ATP2A1: variants seen among roughly 807,000 people sequenced by gnomAD.
The protein encoded by ATP2A1 is ATPase sarcoplasmic/endoplasmic reticulum Ca2+ transporting 1, also known as sarcoplasmic/endoplasmic reticulum calcium ATPase 1.
A neutral mutation model predicts 109.5 loss-of-function variants in ATP2A1; 83 were observed. The observed-to-expected ratio is 0.76, with a 90% CI of 0.63 to 0.91. ATP2A1 has a LOEUF of 0.91. Ranked by LOEUF, ATP2A1 falls within the 40% of genes least tolerant of loss-of-function variation. ATP2A1 has a pLI of 0.00. For synonymous variants in ATP2A1, 505 were observed against 537.6 expected (o/e 0.94, Z 0.84); for missense variants, 1,101 against 1,341.0 (o/e 0.82, Z 2.80).
Position 28,904,356 on chromosome 16 carries a change from T to C in ATP2A1, c.*214T>C. 6.5e-7 allele frequency: 1 copy of C among 1,543,486 alleles called. No homozygotes were observed. The highest frequency in any genetic ancestry group is 8.7e-7 in the Non-Finnish European group (1 of 1,149,770). ...TTTCCTTCCCCCTCGGCCACCCGCC[T>C]CCCTCTCAACCTTGTAAATTCCCCT... On this transcript the variant is annotated 3_prime_UTR_variant, in exon 23 of 23. Transcript: ENST00000395503.
chr16:28,884,456 G>A, intron 5 of ATP2A1, 119 bp from the exon 6 acceptor site: 2 of 961,372 alleles, frequency 2.1e-6, no homozygotes, highest in Admixed American at 1.9e-5. Flanking sequence ...AGCCCTGGGA[G>A]CCTCCCTGAG....
Position 28,887,537 on chromosome 16 carries a change from C to T in ATP2A1, c.743C>T (p.Pro248Leu), listed in dbSNP as rs1238791609. The T allele has an allele frequency of 6.2e-7, 1 of 1,613,930 alleles. No homozygotes were observed. The highest frequency in any genetic ancestry group is 8.5e-7 in the Non-Finnish European group (1 of 1,180,008). ...GCTGCCACAGAACAGGACAAGACCCCCTTGCAGCAGAAGCTGGATGAGTTT... is the reference window on the plus strand; with the variant it reads ...GCTGCCACAGAACAGGACAAGACCCTCTTGCAGCAGAAGCTGGATGAGTTT... ...QMAATEQDKT[P>L]LQQKLDEFGE... The change falls in exon 8 of 23, where the codon CCC (proline) becomes CTC (leucine). Residue 248 changes from proline to leucine, a missense_variant. Pro to Leu is a moderately conservative substitution (Grantham distance 98). Transcript: ENST00000395503.
At chr16:28,896,986 C>T (rs969693744) in intron 12 of ATP2A1, among the ~76,000 whole-genome samples, 1 of 151,974 alleles carries the variant, frequency 6.6e-6, no homozygotes, top group Non-Finnish European at 1.5e-5. Flanking sequence ...GGGGCTGAGG[C>T]AGGAGAATGG....
chr16:28,882,262 TTTTC>T lies in ATP2A1; in HGVS notation c.325-185_325-182del, dbSNP rs1368788212. Among the ~76,000 whole-genome samples, 5 of 151,958 alleles carry T rather than the reference TTTTC, an allele frequency of 3.3e-5. No individual in the cohort carries two copies. The South Asian group carries it at 8.3e-4, about 25-fold the overall frequency. ...GCGTGAGTCACCATGCCCGGCCTGA[TTTTC>T]TTTGATTCTTCTTTGTTCCCTCCCC... On this transcript the variant is annotated intron_variant, in intron 4 of 22. Coordinates refer to ENST00000395503, the MANE Select transcript of ATP2A1 (RefSeq NM_004320.6).
Position 28,878,553 on chromosome 16 carries a change from G to A in ATP2A1, c.-119G>A. 1.1e-6 allele frequency: 1 copy of A among 880,120 alleles called. No individual in the cohort carries two copies. The highest frequency in any genetic ancestry group is 1.4e-5 in the South Asian group (1 of 70,334). The allele number at this position is 880,120 out of a possible 1,614,324, so 54.5% of individuals were successfully genotyped here. A position where few individuals can be genotyped will look rare whatever the true frequency, so the allele number is the denominator to read the frequency against. On this transcript the variant is annotated 5_prime_UTR_variant, in exon 1 of 23. Transcript: ENST00000395503. ...AGGGAAGAAAAACCTGGAGGGGGCA[G>A]GAGAGTAAAAAGAAGAAACCCAGGC...
intron 14 of ATP2A1, among the ~76,000 whole-genome samples, chr16:28,899,508 G>A (rs1424216179): frequency 6.6e-6 from 1 of 151,934 alleles, no homozygotes; most frequent in East Asian, 1.9e-4. Flanking sequence ...GCTTGGTGGT[G>A]GGCACCTGTA....
At position 28,902,888 on chromosome 16, in the gene ATP2A1, C is replaced by CCCTGTCCGTGCTGGT; in HGVS notation, c.2721_2722insCCTGTCCGTGCTGGT (p.Ile907_Glu908insProValArgAlaGly). On this transcript the variant is annotated inframe_insertion, in exon 19 of 23. Transcript: ENST00000395503. This position sits in a 1 kb window ranked among gnomAD's most constrained non-coding sequence, Gnocchi z 4.8. ...TGGCCCTGTCCGTGCTGGTGACCAT[C>CCCTGTCCGTGCTGGT]GAGATGTGCAATGCACTGAACAGGT... The CCCTGTCCGTGCTGGT allele has an allele frequency of 6.2e-7, 1 of 1,614,014 alleles. No individual in the cohort carries two copies. Among genetic ancestry groups the CCCTGTCCGTGCTGGT allele is most frequent in the South Asian group, 1.1e-5 (1 of 91,080 alleles).
At chr16:28,881,308 T>C (rs1203903189) in intron 4 of ATP2A1, among the ~76,000 whole-genome samples, 1 of 152,228 alleles carries the variant, frequency 6.6e-6, no homozygotes, top group African/African-American at 2.4e-5. Context: ...AGATGATGCA[T>C]GTTCCTGGCA....
rs764640218 is a variant in ATP2A1, at chr16:28,880,940, A to T, written c.245A>T (p.Glu82Val). The T allele has an allele frequency of 6.2e-7, 1 of 1,614,186 alleles. No homozygotes were observed. The highest frequency in any genetic ancestry group is 8.5e-7 in the Non-Finnish European group (1 of 1,180,036). ...SFVLAWFEEG[E>V]ETITAFVEPF... ...GTGCTGGCCTGGTTTGAGGAAGGTG[A>T]AGAGACCATCACTGCCTTTGTTGAA... Residue 82 changes from glutamate (E) to valine (V), a missense_variant, in exon 4 of 23, where the codon GAA (glutamate) becomes GTA (valine). Physicochemically the swap from Glu to Val is moderately radical, Grantham distance 121. Coordinates refer to ENST00000395503, the MANE Select transcript of ATP2A1 (RefSeq NM_004320.6). The surrounding 1 kb of genome is among the most constrained non-coding windows in gnomAD (Gnocchi z 4.2).
intron 6 of ATP2A1, among the ~76,000 whole-genome samples, chr16:28,886,686 G>T (rs1271808741): frequency 2.0e-5 from 3 of 151,700 alleles, no homozygotes; most frequent in African/African-American, 7.3e-5. Context: ...TTGGGTCGAG[G>T]TCTTTTTAAG....
chr16:28,900,601 T>A lies in ATP2A1; in HGVS notation c.1785T>A (p.Gly595=). Residue 595 remains glycine (G), a synonymous_variant, in exon 15 of 23, where the codon GGT becomes GGA. Transcript: ENST00000395503. Reference sequence around the variant, plus strand: ...CCCAGACGGACCTGACATTCGTGGGTGTAGTGGGCATGCTGGACCCTCCGC... The same window carrying A: ...CCCAGACGGACCTGACATTCGTGGGAGTAGTGGGCATGCTGGACCCTCCGC... ...LEYETDLTFV[G]VVGMLDPPRK... 1 of 1,573,080 alleles carries A rather than the reference T, an allele frequency of 6.4e-7. No homozygotes were observed. The highest frequency in any genetic ancestry group is 1.7e-5 in the Admixed American group (1 of 58,202).
In ATP2A1 at chr16:28,903,779, C is replaced by T. The variant is rs530980451; in HGVS notation, c.*37+38C>T. 38 of 1,586,784 alleles carry T rather than the reference C, an allele frequency of 2.4e-5. No homozygotes were observed. The East Asian group carries it at 6.3e-4, about 26-fold the overall frequency. On this transcript the variant is annotated intron_variant, in intron 22 of 22. Coordinates refer to ENST00000395503, the MANE Select transcript of ATP2A1 (RefSeq NM_004320.6). This position sits in a 1 kb window ranked among gnomAD's most constrained non-coding sequence, Gnocchi z 5.6. ...TCTTGCCCTCAGCCCAGCTGCTGTG[C>T]CCCTGCCACCCGCGCCCCCTCAGCC...
At chr16:28,882,918 T>C (rs1026927893) in intron 5 of ATP2A1, among the ~76,000 whole-genome samples, 5 of 152,126 alleles carry the variant, frequency 3.3e-5, no homozygotes, top group Admixed American at 6.6e-5. Context: ...GGGCCTGGCT[T>C]CCCCCTCCTT....
At chr16:28,887,329 G>A in intron 7 of ATP2A1, 55 bp downstream of exon 7, 3 of 1,612,656 alleles carry the variant, frequency 1.9e-6, no homozygotes, top group African/African-American at 1.3e-5. Flanking sequence ...TGCCCGGGTT[G>A]GAGAGAAACA....
At chr16:28,894,771 C>T in intron 11 of ATP2A1, 51 bp from the exon 12 acceptor site, 5 of 1,609,144 alleles carry the variant, frequency 3.1e-6, no homozygotes, top group Non-Finnish European at 4.2e-6. Flanking sequence ...GAGGGTATGA[C>T]AGGTAGGAGC....
At position 28,902,165 on chromosome 16, in the gene ATP2A1, G is replaced by T; in HGVS notation, c.2322-19G>T. The T allele has an allele frequency of 6.2e-7, 1 of 1,613,910 alleles. No individual in the cohort carries two copies. The highest frequency in any genetic ancestry group is 1.1e-5 in the South Asian group (1 of 91,064). ...GGTCTGGGAGGCAGGACAGAGGTGT[G>T]ACCACCTCCTTCCCACAGTATCTTC... On this transcript the variant is annotated intron_variant, in intron 16 of 22. Coordinates refer to ENST00000395503, the MANE Select transcript of ATP2A1 (RefSeq NM_004320.6). The surrounding 1 kb of genome is among the most constrained non-coding windows in gnomAD (Gnocchi z 4.8).
chr16:28,904,360 T>G lies in ATP2A1; in HGVS notation c.*218T>G. ...CTTCCCCCTCGGCCACCCGCCTCCC[T>G]CTCAACCTTGTAAATTCCCCTTCCC... On this transcript the variant is annotated 3_prime_UTR_variant, in exon 23 of 23. Coordinates refer to ENST00000395503, the MANE Select transcript of ATP2A1 (RefSeq NM_004320.6). The G allele has an allele frequency of 2.6e-6, 4 of 1,542,124 alleles. No individual in the cohort carries two copies. Among genetic ancestry groups the G allele is most frequent in the Non-Finnish European group, 3.5e-6 (4 of 1,149,164 alleles).
intron 6 of ATP2A1, among the ~76,000 whole-genome samples, chr16:28,886,256 G>A (rs1963611206): frequency 6.6e-6 from 1 of 152,144 alleles, no homozygotes; most frequent in Non-Finnish European, 1.5e-5. Context: ...AGGATCACTT[G>A]AACCCAAGAG....
At position 28,903,517 on chromosome 16, in the gene ATP2A1, C is replaced by G. The variant is rs114820983; in HGVS notation, c.2980+77C>G. The G allele has an allele frequency of 7.1e-7, 1 of 1,400,730 alleles. No individual in the cohort carries two copies. The highest frequency in any genetic ancestry group is 1.0e-6 in the Non-Finnish European group (1 of 990,192). 86.8% of individuals were successfully genotyped at this position (1,400,730 alleles called of 1,614,324 possible). A position where few individuals can be genotyped will look rare whatever the true frequency, so the allele number is the denominator to read the frequency against. On this transcript the variant is annotated intron_variant, in intron 21 of 22. Transcript: ENST00000395503. This position sits in a 1 kb window ranked among gnomAD's most constrained non-coding sequence, Gnocchi z 5.6. ...CCATGACGCCGCCCCCGCCCCGCCC[C>G]GTACTTTGCAGGTGGTAAGTTTCTC...
Sources: gnomAD v4.1 joint callset for allele counts (sites outside exome capture counted in the v4.1 genomes callset) on GRCh38, gnomAD v4.1.1 for gene constraint, Gnocchi (gnomAD v3.1) non-coding constraint, MANE v1.5 for transcripts, NCBI Gene and HGNC (gene_info 2026-07-23, HGNC 2026-07-21) for gene names.